Variants in SPECC1 observed in about 807,000 individuals in gnomAD.
The protein encoded by SPECC1 is cytospin-B.
SPECC1 carries 62 observed loss-of-function variants against 104.1 expected under a neutral mutation model. The observed-to-expected ratio is 0.60, with a 90% CI of 0.49 to 0.74. SPECC1 has a LOEUF of 0.74. Ranked by LOEUF, SPECC1 falls within the 30% of genes least tolerant of loss-of-function variation. SPECC1 has a pLI of 0.00. For synonymous variants in SPECC1, 513 were observed against 501.6 expected (o/e 1.02, Z -0.30); for missense variants, 1,306 against 1,310.5 (o/e 1.00, Z 0.05).
At chr17:20,110,123 C>T (rs1226750248) in intron 2 of SPECC1, among the ~76,000 whole-genome samples, 1 of 152,184 alleles carries the variant, frequency 6.6e-6, no homozygotes, top group East Asian at 1.9e-4. Flanking sequence ...AGTCGTGAGT[C>T]ACTGTGCCCA....
chr17:20,066,587 G>A (rs1424625389), intron 1 of SPECC1, among the ~76,000 whole-genome samples: 2 of 152,178 alleles, frequency 1.3e-5, no homozygotes, highest in Non-Finnish European at 2.9e-5. Context: ...CAGAATCCAG[G>A]AGGAGAGTTC....
At chr17:20,306,651 C>T (rs2041774810) in intron 14 of SPECC1, among the ~76,000 whole-genome samples, 1 of 152,232 alleles carries the variant, frequency 6.6e-6, no homozygotes, top group African/African-American at 2.4e-5. Context: ...ATTGTGTGCG[C>T]ACGTGCGCGC....
intron 4 of SPECC1, among the ~76,000 whole-genome samples, chr17:20,221,893 AC>A (rs1454082301): frequency 1.3e-5 from 2 of 151,710 alleles, no homozygotes; most frequent in Non-Finnish European, 2.9e-5. Context: ...TCCTTCATTG[AC>A]CCACTGGTCA....
At chr17:20,053,664 G>T (rs1260542516) in intron 1 of SPECC1, among the ~76,000 whole-genome samples, 1 of 152,216 alleles carries the variant, frequency 6.6e-6, no homozygotes, top group African/African-American at 2.4e-5. Context: ...AATGAATTGA[G>T]ATCTCCTGCC....
chr17:20,093,590 G>C (rs2047499275), intron 1 of SPECC1, among the ~76,000 whole-genome samples: 1 of 152,182 alleles, frequency 6.6e-6, no homozygotes, highest in Non-Finnish European at 1.5e-5. Flanking sequence ...GAAGTGGTGG[G>C]AAGTGGATTG....
At chr17:20,015,313 G>T (rs34848191) in intron 1 of SPECC1, among the ~76,000 whole-genome samples, 60,453 of 133,600 alleles carry the variant, frequency 0.45, 13,398 homozygotes, top group Middle Eastern at 0.55. Context: ...TTTTTTTTTT[G>T]AGACAGAGTA....
At chr17:20,091,855 G>A (rs1188645898) in intron 1 of SPECC1, among the ~76,000 whole-genome samples, 1 of 152,134 alleles carries the variant, frequency 6.6e-6, no homozygotes, top group Non-Finnish European at 1.5e-5. Flanking sequence ...TGTCCAGAAT[G>A]GTTTCCCAGT....
At chr17:20,141,412 C>T (rs377041337) in intron 3 of SPECC1, among the ~76,000 whole-genome samples, 1 of 152,164 alleles carries the variant, frequency 6.6e-6, no homozygotes, top group Non-Finnish European at 1.5e-5. Context: ...TCTTTGAATG[C>T]GAGCTCACCA....
intron 12 of SPECC1, among the ~76,000 whole-genome samples, chr17:20,278,717 CTCT>C (rs1341678354): frequency 3.3e-5 from 5 of 149,996 alleles, no homozygotes; most frequent in South Asian, 2.1e-4. Flanking sequence ...CTCTCTCTCT[CTCT>C]TTTTTTTTTT....
At chr17:20,036,507 C>T (rs545516884) in intron 1 of SPECC1, among the ~76,000 whole-genome samples, 10 of 152,264 alleles carry the variant, frequency 6.6e-5, no homozygotes, top group Admixed American at 5.2e-4. Context: ...GAGTAATATA[C>T]GTTGTGCTAA....
chr17:20,226,449 T>C (rs1195311067), intron 4 of SPECC1, among the ~76,000 whole-genome samples: 1 of 152,226 alleles, frequency 6.6e-6, no homozygotes, highest in African/African-American at 2.4e-5. Context: ...TACTATGTAT[T>C]GTCATGGACA....
chr17:20,014,864 C>T (rs975858902), intron 1 of SPECC1, among the ~76,000 whole-genome samples: 11 of 152,116 alleles, frequency 7.2e-5, no homozygotes, highest in Admixed American at 1.3e-4. Context: ...AAGTGATTCT[C>T]CTGCCTTAGC....
In SPECC1 at chr17:20,317,736, A is replaced by AC. The variant is rs199660347; in HGVS notation, c.*3671_*3672insC. ...GCAAGACCCTGTCACACACACACAC[A>AC]AAAAAAAGAAATACAGGTGGTGTTT... is the stretch of plus-strand genomic sequence containing the variant. On this transcript the variant is annotated 3_prime_UTR_variant, in exon 15 of 15. Transcript: ENST00000395527. 993 of 208,132 alleles carry AC rather than the reference A, an allele frequency of 4.8e-3. 9 individuals are homozygous for AC. Among genetic ancestry groups the AC allele is most frequent in the African/African-American group, 0.019 (848 of 43,802 alleles). 12.9% of individuals were successfully genotyped at this position (208,132 alleles called of 1,614,324 possible).
chr17:20,013,553 G>A (rs980457262), intron 1 of SPECC1, among the ~76,000 whole-genome samples: 2 of 152,132 alleles, frequency 1.3e-5, no homozygotes, highest in Admixed American at 6.5e-5. Flanking sequence ...CCAGGCTGGA[G>A]TGCAGTGGCA....
intron 3 of SPECC1, among the ~76,000 whole-genome samples, chr17:20,151,011 A>T (rs2031958377): frequency 6.6e-6 from 1 of 152,220 alleles, no homozygotes; most frequent in Non-Finnish European, 1.5e-5. Context: ...GAAGTTCCAT[A>T]AAAACCTTTT....
At chr17:20,026,959 C>T (rs564416377) in intron 1 of SPECC1, among the ~76,000 whole-genome samples, 10,429 of 152,036 alleles carry the variant, frequency 0.069, 951 homozygotes, top group African/African-American at 0.21. Context: ...TATATTTTGT[C>T]TTTTTGATAG....
intron 8 of SPECC1, among the ~76,000 whole-genome samples, chr17:20,246,332 C>A (rs1212458341): frequency 6.6e-6 from 1 of 152,184 alleles, no homozygotes; most frequent in Non-Finnish European, 1.5e-5. Flanking sequence ...TCCTGCCTTG[C>A]TACCTTTCTT....
intron 1 of SPECC1, among the ~76,000 whole-genome samples, chr17:20,049,459 G>T (rs543230241): frequency 6.6e-6 from 1 of 152,122 alleles, no homozygotes; most frequent in Non-Finnish European, 1.5e-5. Flanking sequence ...CTTATGTGCC[G>T]AAGAGCCATT....
chr17:20,303,929 G>A (rs142501518), intron 13 of SPECC1, among the ~76,000 whole-genome samples: 1 of 151,826 alleles, frequency 6.6e-6, no homozygotes, highest in African/African-American at 2.4e-5. Flanking sequence ...CTCCAGCCTG[G>A]GTGACACAGC....
Sources: allele counts gnomAD v4.1 joint callset (sites outside exome capture counted in the v4.1 genomes callset), GRCh38; gene constraint gnomAD v4.1.1; transcripts MANE v1.5; gene names NCBI Gene and HGNC (gene_info 2026-07-23, HGNC 2026-07-21).